Variants in ATF6 observed in about 807,000 individuals in gnomAD.
ATF6 encodes cyclic AMP-dependent transcription factor ATF-6 alpha.
Under a neutral mutation model 83.6 loss-of-function variants are expected in ATF6, and 53 were observed. The observed-to-expected ratio is 0.63, with a 90% CI of 0.51 to 0.80. The LOEUF (loss-of-function observed/expected upper bound fraction) is 0.80. ATF6 is among the 30% of genes least tolerant of loss of function. The pLI is 0.00. For synonymous variants in ATF6, 288 were observed against 285.8 expected, an observed-to-expected ratio of 1.01 and a Z score of -0.08; for missense variants, 744 against 797.9, an observed-to-expected ratio of 0.93 and a Z score of 0.81.
chr1:161,792,444 G>A (rs2101743026), intron 6 of ATF6, 117 bp downstream of exon 6: 1 of 1,031,966 alleles, frequency 9.7e-7, no homozygotes, highest in Non-Finnish European at 1.4e-6. Context: ...TGTCAGGAAT[G>A]TCTTTGGTTA....
At chr1:161,922,958 C>G (rs1045794120) in intron 15 of ATF6, among the ~76,000 whole-genome samples, 5 of 152,092 alleles carry the variant, frequency 3.3e-5, no homozygotes, top group African/African-American at 1.2e-4. Context: ...GTAAAGAGAT[C>G]ACTCTATTTT....
At chr1:161,935,203 C>T (rs868528866) in intron 15 of ATF6, among the ~76,000 whole-genome samples, 18 of 152,258 alleles carry the variant, frequency 1.2e-4, no homozygotes, top group Middle Eastern at 3.4e-3. Context: ...GAGATAGACT[C>T]GTATGTAATC....
chr1:161,813,888 C>CTT (rs879715945), intron 7 of ATF6, among the ~76,000 whole-genome samples: 1 of 143,006 alleles, frequency 7.0e-6, no homozygotes, highest in Non-Finnish European at 1.5e-5. Flanking sequence ...TCTTTTCTTT[C>CTT]TTTTTTTTTT....
intron 9 of ATF6, among the ~76,000 whole-genome samples, chr1:161,831,944 T>TAAAAAAAA (rs574016070): frequency 1.5e-5 from 2 of 130,500 alleles, no homozygotes; most frequent in East Asian, 2.2e-4. Context: ...TAAAGTATAA[T>TAAAAAAAA]AAAAAAAAAA....
chr1:161,868,884 C>T (rs1687066763), intron 14 of ATF6, among the ~76,000 whole-genome samples: 2 of 151,992 alleles, frequency 1.3e-5, no homozygotes, highest in Non-Finnish European at 2.9e-5. Flanking sequence ...CTTTCTATGT[C>T]AGTAAGTAGA....
intron 6 of ATF6, among the ~76,000 whole-genome samples, chr1:161,798,975 G>A (rs1442165049): frequency 1.3e-5 from 2 of 152,224 alleles, no homozygotes; most frequent in African/African-American, 4.8e-5. Flanking sequence ...GCAGAGAAAA[G>A]TGAATGCATA....
At chr1:161,874,967 C>T (rs775230134) in intron 14 of ATF6, among the ~76,000 whole-genome samples, 2 of 151,556 alleles carry the variant, frequency 1.3e-5, no homozygotes, top group African/African-American at 4.8e-5. Context: ...CCAAACTGAG[C>T]GATAAGAGAG....
chr1:161,777,418 A>G (rs1684540825), intron 1 of ATF6, among the ~76,000 whole-genome samples: 1 of 152,218 alleles, frequency 6.6e-6, no homozygotes, highest in East Asian at 1.9e-4. Flanking sequence ...TAACAGACTG[A>G]CAGTGCAGTT....
chr1:161,853,087 C>G (rs1287045439), intron 11 of ATF6, 137 bp from the exon 12 acceptor site: 1 of 597,648 alleles, frequency 1.7e-6, no homozygotes, highest in Non-Finnish European at 2.8e-6. Flanking sequence ...AATCAAAAAG[C>G]AATATTGAGT....
chr1:161,945,776 G>A (rs960095699), intron 15 of ATF6, among the ~76,000 whole-genome samples: 1 of 152,152 alleles, frequency 6.6e-6, no homozygotes, highest in African/African-American at 2.4e-5. Context: ...CTTAAAGATA[G>A]AAGCTATGTT....
At chr1:161,931,497 A>G (rs1688432216) in intron 15 of ATF6, among the ~76,000 whole-genome samples, 1 of 152,078 alleles carries the variant, frequency 6.6e-6, no homozygotes, top group Admixed American at 6.6e-5. Context: ...ATTGAGTTAT[A>G]ATTCACATAC....
intron 14 of ATF6, among the ~76,000 whole-genome samples, chr1:161,885,181 A>T (rs923039867): frequency 6.6e-5 from 10 of 152,186 alleles, no homozygotes; most frequent in Non-Finnish European, 1.5e-4. Flanking sequence ...GCATTTTCTT[A>T]CATCTTCTTC....
rs1173564849 is a variant in ATF6, at chr1:161,792,228, A to G, written c.589A>G (p.Ser197Gly). 2.5e-6 allele frequency: 4 copies of G among 1,614,186 alleles called. No individual in the cohort carries two copies. The South Asian group carries it at 4.4e-5, about 18-fold the overall frequency. The change falls in exon 6 of 16, where the codon AGT becomes GGT. Residue 197 changes from serine to glycine, a missense_variant. By Grantham distance (56) the Ser-to-Gly change is moderately conservative. Transcript: ENST00000367942. ...PAAPKTQTNS[S>G]VPAKTIIIQT... Reference sequence around the variant, plus strand: ...AGCACCCAAGACTCAAACAAACTCCAGTGTTCCAGCAAAAACCATCATTAT... The same window carrying G: ...AGCACCCAAGACTCAAACAAACTCCGGTGTTCCAGCAAAAACCATCATTAT...
At position 161,869,684 on chromosome 1, in the gene ATF6, T is replaced by TA. The variant is rs536181040; in HGVS notation, c.1719+6379dup. On this transcript the variant is annotated intron_variant, in intron 14 of 15. Coordinates refer to ENST00000367942, the MANE Select transcript of ATF6 (RefSeq NM_007348.4). The stretch of plus-strand genomic sequence containing the variant: ...TCTCATTCAGGTCTAAAGCACATTA[T>TA]AAAAAAATAGAGCAGAGTTGACTGA... Among the ~76,000 whole-genome samples, 379 of 151,906 alleles carry TA rather than the reference T, an allele frequency of 2.5e-3. 1 individual carries two copies. The highest frequency in any genetic ancestry group is 9.0e-3 in the African/African-American group (372 of 41,506).
At chr1:161,929,001 C>G (rs1023332415) in intron 15 of ATF6, among the ~76,000 whole-genome samples, 1 of 152,188 alleles carries the variant, frequency 6.6e-6, no homozygotes, top group Non-Finnish European at 1.5e-5. Flanking sequence ...GTTAGTCATA[C>G]GCATACACCT....
intron 6 of ATF6, among the ~76,000 whole-genome samples, chr1:161,799,408 A>G (rs897897839): frequency 3.9e-5 from 6 of 152,148 alleles, no homozygotes; most frequent in Admixed American, 2.6e-4. Context: ...AAAGGGGACA[A>G]TAGACAACAG....
At chr1:161,885,358 A>G (rs1177342678) in intron 14 of ATF6, among the ~76,000 whole-genome samples, 1 of 152,270 alleles carries the variant, frequency 6.6e-6, no homozygotes, top group East Asian at 1.9e-4. Flanking sequence ...AACATGTAGT[A>G]CTGCGTAACT....
chr1:161,941,989 T>TTTTG (rs1395920715), intron 15 of ATF6, among the ~76,000 whole-genome samples: 2 of 150,048 alleles, frequency 1.3e-5, no homozygotes, highest in Admixed American at 6.7e-5. Context: ...GGTGGGGGGG[T>TTTTG]TTTGTTTGTT....
At chr1:161,934,083 G>A (rs1008817080) in intron 15 of ATF6, among the ~76,000 whole-genome samples, 1 of 152,184 alleles carries the variant, frequency 6.6e-6, no homozygotes, top group African/African-American at 2.4e-5. Flanking sequence ...GGCTGGATTA[G>A]ACATGGATGA....
Sources: gnomAD v4.1 joint callset for allele counts (sites outside exome capture counted in the v4.1 genomes callset) on GRCh38, gnomAD v4.1.1 for gene constraint, MANE v1.5 for transcripts, NCBI Gene and HGNC (gene_info 2026-07-23, HGNC 2026-07-21) for gene names.